Variants in PRKN observed in about 807,000 individuals in gnomAD.
PRKN encodes the protein parkin RBR E3 ubiquitin protein ligase, also known as E3 ubiquitin-protein ligase parkin.
A neutral mutation model predicts 59.5 loss-of-function variants in PRKN; 56 were observed. The observed-to-expected ratio is 0.94, with a 90% CI of 0.76 to 1.18. The LOEUF (loss-of-function observed/expected upper bound fraction) is 1.18, where lower values mean the gene tolerates loss of function less well. Among genes scored for constraint, PRKN ranks in the 50% most tolerant of loss-of-function variants. The probability of loss-of-function intolerance (pLI) is 0.00; values close to 1 mark genes in which losing one functional copy is unlikely to be tolerated. For missense variants in PRKN, 657 were observed against 596.4 expected, an observed-to-expected ratio of 1.10 and a Z score of -1.06; for synonymous variants, 250 against 222.1, an observed-to-expected ratio of 1.13 and a Z score of -1.12.
At chr6:161,365,606 T>C (rs1785167276) in intron 10 of PRKN, among the ~76,000 whole-genome samples, 1 of 152,138 alleles carries the variant, frequency 6.6e-6, no homozygotes, top group African/African-American at 2.4e-5. Flanking sequence ...AAGATTAAAG[T>C]TACAGCAAAA....
chr6:161,591,453 A>G (rs970736343), intron 7 of PRKN, among the ~76,000 whole-genome samples: 9 of 152,330 alleles, frequency 5.9e-5, no homozygotes, highest in African/African-American at 2.2e-4. Context: ...CCTCTCCCAC[A>G]GGAGGGCTCC....
chr6:161,437,849 A>T (rs1420929273), intron 9 of PRKN, among the ~76,000 whole-genome samples: 1 of 152,214 alleles, frequency 6.6e-6, no homozygotes, highest in African/African-American at 2.4e-5. Flanking sequence ...GAAAGTGACC[A>T]TTATGCAACT....
chr6:161,986,751 T>TC (rs973491975), intron 5 of PRKN, among the ~76,000 whole-genome samples: 5 of 147,960 alleles, frequency 3.4e-5, no homozygotes, highest in African/African-American at 5.1e-5. Context: ...ATTTGGAAAA[T>TC]CCCCCCCACT....
chr6:162,009,672 A>G (rs1230665524), intron 5 of PRKN, among the ~76,000 whole-genome samples: 1 of 151,750 alleles, frequency 6.6e-6, no homozygotes, highest in East Asian at 1.9e-4. Flanking sequence ...ATGGTGGCTC[A>G]TGCCTGTAAT....
chr6:161,568,776 T>C (rs1435894924), intron 8 of PRKN, among the ~76,000 whole-genome samples: 1 of 152,088 alleles, frequency 6.6e-6, no homozygotes, highest in Non-Finnish European at 1.5e-5. Context: ...TGTGTGTACA[T>C]ATATATAATA....
At chr6:162,593,304 C>T (rs1004391505) in intron 1 of PRKN, among the ~76,000 whole-genome samples, 3 of 152,108 alleles carry the variant, frequency 2.0e-5, no homozygotes, top group Non-Finnish European at 2.9e-5. Context: ...TAATCAATGA[C>T]AGGTGAAATA....
At chr6:162,195,089 C>T (rs1387268806) in intron 4 of PRKN, among the ~76,000 whole-genome samples, 2 of 152,172 alleles carry the variant, frequency 1.3e-5, no homozygotes, top group Non-Finnish European at 2.9e-5. Flanking sequence ...TGAATCCACA[C>T]AGAAACCAGC....
intron 9 of PRKN, among the ~76,000 whole-genome samples, chr6:161,510,913 G>A (rs574655681): frequency 6.6e-5 from 10 of 152,278 alleles, no homozygotes; most frequent in East Asian, 1.9e-4. Context: ...CGTATTGAGC[G>A]TGGATAAGGG....
intron 7 of PRKN, among the ~76,000 whole-genome samples, chr6:161,669,250 T>C (rs534857991): frequency 6.6e-6 from 1 of 152,246 alleles, no homozygotes; most frequent in African/African-American, 2.4e-5. Flanking sequence ...GAGAAATAGA[T>C]GTTGTTGTTT....
intron 6 of PRKN, among the ~76,000 whole-genome samples, chr6:161,875,468 C>G (rs1007726682): frequency 6.6e-6 from 1 of 152,022 alleles, no homozygotes; most frequent in African/African-American, 2.4e-5. Context: ...GCTGGGATTA[C>G]AGGCGTGAGC....
intron 5 of PRKN, among the ~76,000 whole-genome samples, chr6:161,994,152 AG>A (rs1781753082): frequency 6.6e-6 from 1 of 152,080 alleles, no homozygotes. Flanking sequence ...GATTTTTCTC[AG>A]GGATGTAAGA....
In PRKN at chr6:161,447,653, C is replaced by T. The variant is rs1453250732; in HGVS notation, c.1084-60776G>A. 6.6e-6 allele frequency among the ~76,000 whole-genome samples: 1 copy of T among 152,096 alleles called. No individual in the cohort carries two copies. Among genetic ancestry groups the T allele is most frequent in the Non-Finnish European group, 1.5e-5 (1 of 68,038 alleles). On this transcript the variant is annotated intron_variant, in intron 9 of 11. Transcript: ENST00000366898. The surrounding 1 kb of genome is among the most constrained non-coding windows in gnomAD (Gnocchi z 4.1). ...GGACTACAGGCATGCACCACCATGC[C>T]TGGCTAATTTTTTGTATTTTTAGTA...
At chr6:162,533,826 C>A (rs1423190363) in intron 1 of PRKN, among the ~76,000 whole-genome samples, 4 of 151,786 alleles carry the variant, frequency 2.6e-5, no homozygotes, top group African/African-American at 9.7e-5. Flanking sequence ...CAAAAATTAG[C>A]CAAACACAGT....
chr6:162,470,569 C>A (rs1791680355), intron 1 of PRKN, among the ~76,000 whole-genome samples: 1 of 151,286 alleles, frequency 6.6e-6, no homozygotes, highest in African/African-American at 2.4e-5. Flanking sequence ...CCAGCCTAGG[C>A]AACACTGCGA....
intron 6 of PRKN, among the ~76,000 whole-genome samples, chr6:161,874,157 TA>T (rs1794501610): frequency 2.3e-5 from 1 of 42,742 alleles, no homozygotes; most frequent in African/African-American, 1.4e-4. Flanking sequence ...TAATATATAT[TA>T]TATATAATAT....
In PRKN at chr6:161,352,770, T is replaced by TAC. The variant is rs1298602431; in HGVS notation, c.1286-2560_1286-2559insGT. On this transcript the variant is annotated intron_variant, in intron 11 of 11. Transcript: ENST00000366898. This position sits in a 1 kb window ranked among gnomAD's most constrained non-coding sequence, Gnocchi z 5.8. Reference sequence around the variant, plus strand: ...GTGTGTGTGTGTATATATATATATATATTTTATTTTATTTTATTTTATTTT... The same window carrying TAC: ...GTGTGTGTGTGTATATATATATATATACATTTTATTTTATTTTATTTTATTTT... Among the ~76,000 whole-genome samples the TAC allele has an allele frequency of 6.9e-6, 1 of 145,708 alleles. No individual in the cohort carries two copies. The highest frequency in any genetic ancestry group is 1.5e-5 in the Non-Finnish European group (1 of 66,882).
rs948964050 is a variant in PRKN, at chr6:162,278,995, T to C, written c.172-16230A>G. Among the ~76,000 whole-genome samples the C allele has an allele frequency of 3.3e-5, 5 of 152,146 alleles. 1 individual carries two copies. The highest frequency in any genetic ancestry group is 1.2e-4 in the African/African-American group (5 of 41,432). On this transcript the variant is annotated intron_variant, in intron 2 of 11. Transcript: ENST00000366898. ...TTTTAAAGGTTTGAATCTCCTAAAATATCTTCATACTCAGTCACTAAATGG... is the reference window on the plus strand; with the variant it reads ...TTTTAAAGGTTTGAATCTCCTAAAACATCTTCATACTCAGTCACTAAATGG...
At chr6:161,389,271 G>A (rs1215797569) in intron 9 of PRKN, among the ~76,000 whole-genome samples, 1 of 152,094 alleles carries the variant, frequency 6.6e-6, no homozygotes, top group Non-Finnish European at 1.5e-5. Context: ...TGTTTTAAAA[G>A]TTCATCTGAA....
intron 6 of PRKN, among the ~76,000 whole-genome samples, chr6:161,852,740 G>C (rs1261336238): frequency 6.6e-6 from 1 of 152,172 alleles, no homozygotes; most frequent in African/African-American, 2.4e-5. Flanking sequence ...GATGACGAAT[G>C]GCTCTAAAGT....
Sources: allele counts gnomAD v4.1 joint callset (sites outside exome capture counted in the v4.1 genomes callset), GRCh38; gene constraint gnomAD v4.1.1; non-coding constraint Gnocchi (gnomAD v3.1); transcripts MANE v1.5; gene names NCBI Gene and HGNC (gene_info 2026-07-23, HGNC 2026-07-21).